The following EGFLAM variants were observed in gnomAD, a reference collection of about 807,000 sequenced individuals.
EGFLAM encodes pikachurin.
A neutral mutation model predicts 113.1 loss-of-function variants in EGFLAM; 79 were observed. The observed-to-expected ratio is 0.70, with a 90% CI of 0.58 to 0.84. The LOEUF (loss-of-function observed/expected upper bound fraction) is 0.84, where lower values mean the gene tolerates loss of function less well. EGFLAM is among the 40% of genes least tolerant of loss of function. EGFLAM has a pLI of 0.00. For synonymous variants in EGFLAM, 504 were observed against 487.6 expected (o/e 1.03, Z -0.44); for missense variants, 1,265 against 1,291.6 (o/e 0.98, Z 0.32).
chr5:38,334,791 C>G (rs1302512071), intron 1 of EGFLAM, among the ~76,000 whole-genome samples: 1 of 152,062 alleles, frequency 6.6e-6, no homozygotes, highest in Non-Finnish European at 1.5e-5. Context: ...TCATGTACAC[C>G]ACTATAAACT....
At chr5:38,380,903 G>T (rs1361143273) in intron 6 of EGFLAM, among the ~76,000 whole-genome samples, 1 of 152,158 alleles carries the variant, frequency 6.6e-6, no homozygotes, top group African/African-American at 2.4e-5. Flanking sequence ...AGAGAAGAGA[G>T]ACTAAAGCAA....
intron 12 of EGFLAM, among the ~76,000 whole-genome samples, chr5:38,421,657 A>T (rs886536223): frequency 6.6e-6 from 1 of 152,230 alleles, no homozygotes; most frequent in Non-Finnish European, 1.5e-5. Flanking sequence ...CACACAGTGA[A>T]GGTGAAGTTA....
chr5:38,328,399 AG>A (rs1311424561), intron 1 of EGFLAM, among the ~76,000 whole-genome samples: 1 of 152,198 alleles, frequency 6.6e-6, no homozygotes, highest in Admixed American at 6.5e-5. Context: ...AAACCATATT[AG>A]TAGCCTTCTC....
chr5:38,386,505 T>A (rs1445019623), intron 6 of EGFLAM, among the ~76,000 whole-genome samples: 1 of 150,622 alleles, frequency 6.6e-6, no homozygotes, highest in Non-Finnish European at 1.5e-5. Context: ...CAAATACTTA[T>A]TTTTTTTATT....
chr5:38,457,128 A>C (rs1227726994), intron 19 of EGFLAM, among the ~76,000 whole-genome samples: 1 of 152,212 alleles, frequency 6.6e-6, no homozygotes, highest in East Asian at 1.9e-4. Context: ...TAAATGGATA[A>C]GGGCAGAGGA....
chr5:38,458,418 G>T, intron 20 of EGFLAM, 24 bp downstream of exon 20: 1 of 1,611,352 alleles, frequency 6.2e-7, no homozygotes, highest in Non-Finnish European at 8.5e-7. Flanking sequence ...GCAGCATGAG[G>T]CAGAGCCAGA....
At chr5:38,368,356 C>A (rs138445213) in intron 5 of EGFLAM, among the ~76,000 whole-genome samples, 1 of 152,262 alleles carries the variant, frequency 6.6e-6, no homozygotes, top group African/African-American at 2.4e-5. Context: ...GCCCTGCTTC[C>A]TCCATGGGCA....
chr5:38,291,625 A>G (rs906891296), intron 1 of EGFLAM, among the ~76,000 whole-genome samples: 1 of 152,230 alleles, frequency 6.6e-6, no homozygotes, highest in Non-Finnish European at 1.5e-5. Flanking sequence ...GGTTTGCTCA[A>G]TTCTGATGAC....
intron 1 of EGFLAM, among the ~76,000 whole-genome samples, chr5:38,278,294 GATA>G (rs1319483562): frequency 3.3e-5 from 5 of 152,082 alleles, no homozygotes; most frequent in African/African-American, 2.4e-5. Flanking sequence ...TTAGGGAAAG[GATA>G]GTGTATTCAG....
intron 4 of EGFLAM, 36 bp downstream of exon 4, chr5:38,350,654 C>A: frequency 6.3e-7 from 1 of 1,580,568 alleles, no homozygotes; most frequent in Admixed American, 1.7e-5. Context: ...AGGTGGCAGG[C>A]TGCTATCCAT....
At chr5:38,312,266 G>C (rs796260475) in intron 1 of EGFLAM, among the ~76,000 whole-genome samples, 88 of 147,420 alleles carry the variant, frequency 6.0e-4, no homozygotes, top group African/African-American at 2.1e-3. Context: ...TTTTGAGACA[G>C]AGTCTCGCTC....
intron 1 of EGFLAM, among the ~76,000 whole-genome samples, chr5:38,326,369 G>A (rs565713699): frequency 3.3e-5 from 5 of 152,322 alleles, no homozygotes; most frequent in African/African-American, 9.6e-5. Context: ...ATGGCCGCCT[G>A]TTCTGTGCTC....
At chr5:38,331,170 C>T (rs1739030561) in intron 1 of EGFLAM, among the ~76,000 whole-genome samples, 1 of 152,106 alleles carries the variant, frequency 6.6e-6, no homozygotes, top group Non-Finnish European at 1.5e-5. Context: ...CTCCCTGTCC[C>T]CATGCATGCA....
At chr5:38,341,781 G>A (rs966419573) in intron 3 of EGFLAM, among the ~76,000 whole-genome samples, 2 of 152,148 alleles carry the variant, frequency 1.3e-5, no homozygotes, top group East Asian at 3.9e-4. Flanking sequence ...AGAAACTTCA[G>A]CACGATACCT....
chr5:38,350,589 C>T lies in EGFLAM; in HGVS notation c.380C>T (p.Ser127Phe), dbSNP rs142385515. ...CAGGCTGGCAAAGGGCGGCTGAGCT[C>T]TCCTCGGCATGTCACCACTTTGTCC... ...YSQAGKGRLS[S>F]PRHVTTLSQD... The change falls in exon 4 of 22, where the codon TCT (serine) becomes TTT (phenylalanine). Residue 127 changes from serine to phenylalanine, a missense_variant. Transcript: ENST00000322350. 6.2e-7 allele frequency: 1 copy of T among 1,614,090 alleles called. No homozygotes were observed. The highest frequency in any genetic ancestry group is 8.5e-7 in the Non-Finnish European group (1 of 1,179,980).
At chr5:38,452,651 C>T (rs1336958900) in intron 19 of EGFLAM, among the ~76,000 whole-genome samples, 3 of 152,176 alleles carry the variant, frequency 2.0e-5, no homozygotes, top group South Asian at 4.1e-4. Context: ...TGACTCTGCT[C>T]CCTGTTAGCT....
chr5:38,315,662 C>T (rs1050137989), intron 1 of EGFLAM, among the ~76,000 whole-genome samples: 1 of 152,190 alleles, frequency 6.6e-6, no homozygotes, highest in African/African-American at 2.4e-5. Flanking sequence ...ACCTGGATTC[C>T]TAGCTGTCAC....
chr5:38,440,933 G>A (rs1046102694), intron 17 of EGFLAM, among the ~76,000 whole-genome samples: 3 of 152,172 alleles, frequency 2.0e-5, no homozygotes, highest in East Asian at 1.9e-4. Context: ...CACAAGGGCC[G>A]TAGTTGGACA....
chr5:38,457,950 G>A (rs984216811), intron 19 of EGFLAM, among the ~76,000 whole-genome samples: 2 of 151,976 alleles, frequency 1.3e-5, no homozygotes, highest in South Asian at 2.1e-4. Context: ...GGGCTGGGGG[G>A]AGGGAAGAAT....
Sources: allele counts gnomAD v4.1 joint callset (sites outside exome capture counted in the v4.1 genomes callset), GRCh38; gene constraint gnomAD v4.1.1; transcripts MANE v1.5; gene names NCBI Gene and HGNC (gene_info 2026-07-23, HGNC 2026-07-21).